COG7: variants seen among roughly 807,000 people sequenced by gnomAD.
COG7 encodes the protein component of oligomeric golgi complex 7.
COG7 carries 49 observed loss-of-function variants against 91.5 expected under a neutral mutation model. That is an observed-to-expected ratio of 0.54 (90% CI 0.43 to 0.68). The LOEUF is 0.68. Among genes scored for constraint, COG7 ranks in the 30% least tolerant of loss-of-function variants. The probability of loss-of-function intolerance (pLI) is 0.00; values close to 1 mark genes in which losing one functional copy is unlikely to be tolerated. For synonymous variants in COG7, 365 were observed against 388.7 expected (o/e 0.94, Z 0.72); for missense variants, 895 against 961.3 (o/e 0.93, Z 0.91).
At chr16:23,392,636 G>T in intron 15 of COG7, 113 bp from the exon 16 acceptor site, 1 of 1,315,446 alleles carries the variant, frequency 7.6e-7, no homozygotes, top group Non-Finnish European at 1.1e-6. Context: ...ACCGAAAACA[G>T]TTACATCTTA....
At chr16:23,435,688 CCTTGAGCTAACAGGT>C (rs2142089090) in intron 4 of COG7, among the ~76,000 whole-genome samples, 1 of 152,256 alleles carries the variant, frequency 6.6e-6, no homozygotes, top group East Asian at 1.9e-4. Context: ...GAAAAAAAAG[CCTTGAGCTAACAGGT>C]CTCCAAACTT....
At chr16:23,451,106 T>G (rs1596962728) in intron 1 of COG7, among the ~76,000 whole-genome samples, 2 of 152,008 alleles carry the variant, frequency 1.3e-5, no homozygotes, top group East Asian at 3.9e-4. Flanking sequence ...GGCAGGAGAA[T>G]AACTTGAACT....
intron 1 of COG7, chr16:23,447,164 T>C (rs430208): frequency 0.29 from 44,020 of 152,010 alleles, 7,493 homozygotes; most frequent in African/African-American, 0.47. Context: ...CATGTTACTC[T>C]GCTGCTTAAA....
rs1229426756 is a variant in COG7 at position 23,422,792 on chromosome 16, C to A, written c.1009+1957G>T. Among the ~76,000 whole-genome samples the A allele has an allele frequency of 2.0e-5, 3 of 152,010 alleles. 1 individual carries two copies. The East Asian group carries it at 5.8e-4, about 29-fold the overall frequency. Reference sequence around the variant, plus strand: ...GTGTGGTGGCTTACACCTGTAATCTCAGTACTTTGGGAGGCCAAGATGGGT... The same window carrying A: ...GTGTGGTGGCTTACACCTGTAATCTAAGTACTTTGGGAGGCCAAGATGGGT... On this transcript the variant is annotated intron_variant, in intron 7 of 16. Transcript: ENST00000307149.
At chr16:23,394,105 C>T (rs1240857737) in intron 14 of COG7, among the ~76,000 whole-genome samples, 1 of 151,108 alleles carries the variant, frequency 6.6e-6, no homozygotes, top group East Asian at 1.9e-4. Context: ...TGATTCTCTC[C>T]CTCCTAGATA....
chr16:23,425,000 C>T (rs1386001361), intron 6 of COG7, 53 bp from the exon 7 acceptor site: 1 of 1,512,656 alleles, frequency 6.6e-7, no homozygotes, highest in African/African-American at 1.4e-5. Flanking sequence ...AAATAGGAGC[C>T]CACCTTTTTT....
chr16:23,444,338 A>G lies in COG7; in HGVS notation c.435+710T>C, dbSNP rs567177561. 1.3e-4 allele frequency among the ~76,000 whole-genome samples: 20 copies of G among 152,062 alleles called. No individual in the cohort carries two copies. The South Asian group carries it at 3.7e-3, about 28-fold the overall frequency. On this transcript the variant is annotated intron_variant, in intron 3 of 16. Transcript: ENST00000307149. ...TCTTCATAAGACATCATCTTACTTC[A>G]TCCTTACATCCCAGGTGGAAAATGT...
chr16:23,409,634 A>G (rs920966364), intron 11 of COG7, among the ~76,000 whole-genome samples: 3 of 152,244 alleles, frequency 2.0e-5, no homozygotes, highest in Admixed American at 2.0e-4. Flanking sequence ...GGCATCAGCC[A>G]TACCAAGGGA....
Position 23,434,654 on chromosome 16 carries a change from G to A in COG7, c.669C>T (p.Tyr223=). ...EIDRMPQLLA[Y]YYKCHKVQLL... ...TTCTTACCTTGTGACACTTGTAGTA[G>A]TAGGCCAGGAGCTGGGGCATCCGGT... The change falls in exon 5 of 17, where the codon TAC becomes TAT. Residue 223 remains tyrosine (Y), a synonymous_variant. Transcript: ENST00000307149. 2 of 1,613,532 alleles carry A rather than the reference G, an allele frequency of 1.2e-6. No individual in the cohort carries two copies. Among genetic ancestry groups the A allele is most frequent in the Non-Finnish European group, 1.7e-6 (2 of 1,179,416 alleles).
At chr16:23,403,619 G>GTTAAC in intron 13 of COG7, 75 bp downstream of exon 13, 8 of 1,579,400 alleles carry the variant, frequency 5.1e-6, no homozygotes, top group Non-Finnish European at 4.3e-6. Flanking sequence ...AACAGGGAGG[G>GTTAAC]TTAAGCCCAC....
Position 23,433,614 on chromosome 16 carries a change from G to A in COG7, c.741C>T (p.Asp247=), listed in dbSNP as rs1231018402. ...QELCQSDLSL[D]RQLTGLYDAL... ...CATCATAGAGTCCGGTAAGCTGCCG[G>A]TCCAGGGATAGGTCACTTTGACACA... The change falls in exon 6 of 17, where the codon GAC becomes GAT. Residue 247 remains aspartate (D), a synonymous_variant. Transcript: ENST00000307149. 6.2e-7 allele frequency: 1 copy of A among 1,614,044 alleles called. No individual in the cohort carries two copies. Among genetic ancestry groups the A allele is most frequent in the Non-Finnish European group, 8.5e-7 (1 of 1,180,010 alleles).
Position 23,388,951 on chromosome 16 carries a change from GT to G in COG7, c.2281del (p.Thr761ProfsTer8). ...ATTCACACTCCGCATGGTGGCCACG[GT>G]GGTGGCCAGGCGACGGGGCAGGCCT... ...SKGLPRRLAT[T>X]VATMRSVNY On this transcript the variant is annotated frameshift_variant, in exon 17 of 17. Coordinates refer to ENST00000307149, the MANE Select transcript of COG7 (RefSeq NM_153603.4). LOFTEE classifies it high-confidence loss of function. 1 of 1,614,172 alleles carries G rather than the reference GT, an allele frequency of 6.2e-7. No homozygotes were observed. Among genetic ancestry groups the G allele is most frequent in the Admixed American group, 1.7e-5 (1 of 60,024 alleles).
In COG7 at chr16:23,416,830, T is replaced by A. The variant is rs185115713; in HGVS notation, c.1292+137A>T. 276 of 966,860 alleles carry A rather than the reference T, an allele frequency of 2.9e-4. 2 individuals are homozygous for A. In the East Asian group the frequency reaches 6.4e-3, roughly 22 times the overall value. The allele number at this position is 966,860 out of a possible 1,614,324, so 59.9% of individuals were successfully genotyped here. A position where few individuals can be genotyped will look rare whatever the true frequency, so the allele number is the denominator to read the frequency against. On this transcript the variant is annotated intron_variant, in intron 9 of 16. Transcript: ENST00000307149. ...ATTACAAACAATGCCACTATGAATA[T>A]CCTTAACAACATCCTCTTGGGTTCA... is the stretch of plus-strand genomic sequence containing the variant.
intron 1 of COG7, among the ~76,000 whole-genome samples, chr16:23,449,420 AT>A (rs1455382661): frequency 1.4e-5 from 2 of 147,464 alleles, no homozygotes; most frequent in Non-Finnish European, 3.0e-5. Context: ...ATAAAATAAA[AT>A]AAAATAAAAA....
chr16:23,420,726 GTTAT>G (rs1963741240), intron 7 of COG7, among the ~76,000 whole-genome samples: 2 of 152,022 alleles, frequency 1.3e-5, no homozygotes, highest in Non-Finnish European at 2.9e-5. Flanking sequence ...AATCCAAAGT[GTTAT>G]TTCTTTTTTC....
At chr16:23,398,838 G>A (rs1360404429) in intron 13 of COG7, among the ~76,000 whole-genome samples, 1 of 152,146 alleles carries the variant, frequency 6.6e-6, no homozygotes, top group Non-Finnish European at 1.5e-5. Context: ...GCACTAACAC[G>A]TGTTTCTTGC....
intron 6 of COG7, among the ~76,000 whole-genome samples, chr16:23,427,514 G>A (rs923212593): frequency 1.8e-4 from 28 of 152,028 alleles, no homozygotes; most frequent in Admixed American, 1.6e-3. Context: ...AACTGCTGAG[G>A]ACTCTCCAAT....
intron 14 of COG7, among the ~76,000 whole-genome samples, chr16:23,396,579 T>C (rs1345025868): frequency 1.3e-5 from 2 of 151,714 alleles, no homozygotes; most frequent in Admixed American, 1.3e-4. Context: ...CTCGGAAGGC[T>C]GTAGCAGGAG....
chr16:23,442,171 T>A (rs1162625929), intron 4 of COG7, among the ~76,000 whole-genome samples: 1 of 151,912 alleles, frequency 6.6e-6, no homozygotes, highest in Non-Finnish European at 1.5e-5. Context: ...CCGTTTCTAT[T>A]CAAAATACAA....
Sources: gnomAD v4.1 joint callset for allele counts (sites outside exome capture counted in the v4.1 genomes callset) on GRCh38, gnomAD v4.1.1 for gene constraint, MANE v1.5 for transcripts, NCBI Gene and HGNC (gene_info 2026-07-23, HGNC 2026-07-21) for gene names.